MYRIP: variants seen among roughly 807,000 people sequenced by gnomAD.
MYRIP encodes the protein myosin VIIA and Rab interacting protein.
MYRIP carries 49 observed loss-of-function variants against 98.0 expected under a neutral mutation model. That is an observed-to-expected ratio of 0.50 (90% CI 0.40 to 0.63). The LOEUF is 0.63. MYRIP is among the 30% of genes least tolerant of loss of function. MYRIP has a pLI of 0.00. For missense variants in MYRIP, 1,004 were observed against 1,058.2 expected, an observed-to-expected ratio of 0.95 and a Z score of 0.71; for synonymous variants, 404 against 409.5, an observed-to-expected ratio of 0.99 and a Z score of 0.16.
At chr3:40,163,834 T>C (rs2075739164) in intron 5 of MYRIP, among the ~76,000 whole-genome samples, 1 of 152,144 alleles carries the variant, frequency 6.6e-6, no homozygotes, top group Non-Finnish European at 1.5e-5. Context: ...TCTATATATA[T>C]CCTATTGGTT....
Position 40,209,896 on chromosome 3 carries a change from C to T in MYRIP, c.1708C>T (p.Arg570Trp), listed in dbSNP as rs764972670. The T allele has an allele frequency of 4.3e-6, 7 of 1,613,766 alleles. No individual in the cohort carries two copies. The highest frequency in any genetic ancestry group is 2.2e-5 in the East Asian group (1 of 44,884). The change falls in exon 11 of 17, where the codon CGG (arginine) becomes TGG (tryptophan). Residue 570 changes from arginine to tryptophan, a missense_variant. Around this residue, in one of 3 missense-constraint regions of MYRIP, gnomAD observed 880 missense variants for 907.7 expected, o/e 0.97. Coordinates refer to ENST00000302541, the MANE Select transcript of MYRIP (RefSeq NM_015460.4). ...AGAGACAGACATCAGCAATGAGGCTCGGGATCCCCAGACTCTCACAGACAC... is the reference window on the plus strand; with the variant it reads ...AGAGACAGACATCAGCAATGAGGCTTGGGATCCCCAGACTCTCACAGACAC... ...LSETDISNEA[R>W]DPQTLTDTTE... is the part of the protein sequence containing the mutation.
At chr3:39,905,418 C>T (rs1329095344) in intron 2 of MYRIP, among the ~76,000 whole-genome samples, 1 of 152,094 alleles carries the variant, frequency 6.6e-6, no homozygotes, top group Non-Finnish European at 1.5e-5. Context: ...TTATATTACC[C>T]TTGTCTTTTG....
chr3:40,008,023 C>A (rs1402290256), intron 2 of MYRIP, among the ~76,000 whole-genome samples: 1 of 152,212 alleles, frequency 6.6e-6, no homozygotes, highest in African/African-American at 2.4e-5. Context: ...ACAAAATTAA[C>A]CATCACACAG....
chr3:40,240,750 G>A (rs942594337), intron 12 of MYRIP, among the ~76,000 whole-genome samples: 2 of 152,278 alleles, frequency 1.3e-5, no homozygotes, highest in African/African-American at 4.8e-5. Flanking sequence ...CGCAATGGGG[G>A]CTCAGTTCCT....
intron 8 of MYRIP, among the ~76,000 whole-genome samples, chr3:40,175,485 C>G (rs1950733530): frequency 2.0e-5 from 3 of 152,230 alleles, no homozygotes; most frequent in Admixed American, 2.0e-4. Context: ...CTCCTTTTGT[C>G]CTTGTCTACA....
At chr3:40,229,837 G>C (rs1952599031) in intron 11 of MYRIP, among the ~76,000 whole-genome samples, 1 of 152,162 alleles carries the variant, frequency 6.6e-6, no homozygotes, top group Non-Finnish European at 1.5e-5. Flanking sequence ...AGGACACCAA[G>C]AGCATGGCTG....
intron 1 of MYRIP, among the ~76,000 whole-genome samples, chr3:39,822,637 G>T (rs962238974): frequency 2.0e-5 from 3 of 152,112 alleles, no homozygotes; most frequent in Non-Finnish European, 4.4e-5. Flanking sequence ...ACTAGAATTT[G>T]TTACTCTCAT....
chr3:39,828,141 TGGAG>T (rs1941329102), intron 1 of MYRIP, among the ~76,000 whole-genome samples: 1 of 152,152 alleles, frequency 6.6e-6, no homozygotes, highest in Admixed American at 6.5e-5. Flanking sequence ...TAGGAACTTA[TGGAG>T]TTTTCAGCTA....
intron 1 of MYRIP, among the ~76,000 whole-genome samples, chr3:39,885,629 T>C (rs998911248): frequency 6.6e-6 from 1 of 152,100 alleles, no homozygotes; most frequent in Non-Finnish European, 1.5e-5. Flanking sequence ...CGCTTTCAGG[T>C]ACACCAATCA....
intron 2 of MYRIP, among the ~76,000 whole-genome samples, chr3:39,940,493 T>C (rs1944758753): frequency 6.6e-6 from 1 of 152,166 alleles, no homozygotes; most frequent in African/African-American, 2.4e-5. Context: ...TTGTACTAGA[T>C]CTTTGGCTAA....
intron 4 of MYRIP, among the ~76,000 whole-genome samples, chr3:40,158,097 A>G (rs1178667617): frequency 2.0e-5 from 3 of 151,608 alleles, no homozygotes; most frequent in Non-Finnish European, 2.9e-5. Flanking sequence ...TAGGGTGTCC[A>G]TTTTGGATCT....
At chr3:40,161,883 A>G (rs1950402932) in intron 4 of MYRIP, among the ~76,000 whole-genome samples, 1 of 152,186 alleles carries the variant, frequency 6.6e-6, no homozygotes, top group African/African-American at 2.4e-5. Flanking sequence ...AGGGCTTCAC[A>G]TGGCTGTTGG....
At position 39,982,329 on chromosome 3, in the gene MYRIP, A is replaced by C. The variant is rs369278723; in HGVS notation, c.111-61721A>C. Among the ~76,000 whole-genome samples, 15 of 152,288 alleles carry C rather than the reference A, an allele frequency of 9.8e-5. No individual in the cohort carries two copies. The South Asian group carries it at 3.1e-3, about 32-fold the overall frequency. ...AAAAGCCTCTGTATGTATTGGCAGCACCATATACATGTATGTACGATGAGA... is the reference window on the plus strand; with the variant it reads ...AAAAGCCTCTGTATGTATTGGCAGCCCCATATACATGTATGTACGATGAGA... On this transcript the variant is annotated intron_variant, in intron 2 of 16. Coordinates refer to ENST00000302541, the MANE Select transcript of MYRIP (RefSeq NM_015460.4).
In MYRIP at chr3:40,259,839, AAAAAGATTTGACTTCCG is replaced by A. The variant is rs1953712219; in HGVS notation, c.*1676_*1692del. ...AAAAACAAATTTTAAGAACACAACAAAAAAGATTTGACTTCCGAATAGAATGTTTTCTTTAAGAGGCA... is the reference window on the plus strand; with the variant it reads ...AAAAACAAATTTTAAGAACACAACAAAATAGAATGTTTTCTTTAAGAGGCA... On this transcript the variant is annotated 3_prime_UTR_variant, in exon 17 of 17. Coordinates refer to ENST00000302541, the MANE Select transcript of MYRIP (RefSeq NM_015460.4). 6.5e-6 allele frequency: 1 copy of A among 152,676 alleles called. No homozygotes were observed. 9.5% of individuals were successfully genotyped at this position (152,676 alleles called of 1,614,324 possible). A position where few individuals can be genotyped will look rare whatever the true frequency, so the allele number is the denominator to read the frequency against.
At chr3:40,046,613 C>T (rs1643716063) in intron 3 of MYRIP, among the ~76,000 whole-genome samples, 1 of 149,142 alleles carries the variant, frequency 6.7e-6, no homozygotes, top group African/African-American at 2.5e-5. Flanking sequence ...CACTCTCAGA[C>T]AATGTGTGGC....
intron 3 of MYRIP, among the ~76,000 whole-genome samples, chr3:40,079,749 A>G (rs1948433890): frequency 2.0e-5 from 3 of 152,262 alleles, no homozygotes; most frequent in Admixed American, 2.0e-4. Context: ...AGCCAAGTTC[A>G]GAAGGCTGGG....
intron 2 of MYRIP, among the ~76,000 whole-genome samples, chr3:39,974,629 A>G (rs1028582681): frequency 6.6e-6 from 1 of 152,228 alleles, no homozygotes; most frequent in Non-Finnish European, 1.5e-5. Flanking sequence ...TCCCTGATGA[A>G]CATCGATGCT....
chr3:40,122,932 T>C (rs920614278), intron 3 of MYRIP, among the ~76,000 whole-genome samples: 1 of 152,150 alleles, frequency 6.6e-6, no homozygotes. Context: ...TATAGGTAAA[T>C]TGCATATCCC....
chr3:39,856,588 C>T (rs1257829706), intron 1 of MYRIP, among the ~76,000 whole-genome samples: 2 of 152,204 alleles, frequency 1.3e-5, no homozygotes, highest in East Asian at 1.9e-4. Context: ...CAAGCAGCCC[C>T]TTCCAGAGCC....
Sources: gnomAD v4.1 joint callset for allele counts (sites outside exome capture counted in the v4.1 genomes callset) on GRCh38, gnomAD v4.1.1 for gene constraint, gnomAD v4.1.1 regional missense constraint, MANE v1.5 for transcripts, NCBI Gene and HGNC (gene_info 2026-07-23, HGNC 2026-07-21) for gene names.